The following SLC9D1 variants were observed in gnomAD, a reference collection of about 807,000 sequenced individuals.
The protein encoded by SLC9D1 is solute carrier family 9 member D1, also known as putative LAG1-interacting protein.
At chr13:113,492,658 G>A in the SLC9D1 span, among the ~76,000 whole-genome samples, 7 of 152,224 alleles carry the variant, frequency 4.6e-5, no homozygotes, top group Admixed American at 2.0e-4. Flanking sequence ...AGCACTTTGG[G>A]AGGCTGAGGT....
At chr13:113,505,306 A>G in the SLC9D1 span, 1 of 152,260 alleles carries the variant, frequency 6.6e-6, no homozygotes, top group South Asian at 2.1e-4. Context: ...AAGCCTTAAA[A>G]TGTACATATG....
the SLC9D1 span, among the ~76,000 whole-genome samples, chr13:113,507,359 G>A: frequency 6.6e-6 from 1 of 152,088 alleles, no homozygotes; most frequent in Non-Finnish European, 1.5e-5. Context: ...ATAAATATCT[G>A]GCCAAGCTTT....
chr13:113,496,836 T>C, the SLC9D1 span, among the ~76,000 whole-genome samples: 1 of 152,204 alleles, frequency 6.6e-6, no homozygotes, highest in African/African-American at 2.4e-5. Context: ...CTGTGTGATA[T>C]GTGCATGAGC....
chr13:113,492,938 C>T, the SLC9D1 span, among the ~76,000 whole-genome samples: 6 of 152,240 alleles, frequency 3.9e-5, no homozygotes, highest in South Asian at 1.2e-3. Flanking sequence ...TACAGGAATC[C>T]AAAGTGTCTT....
the SLC9D1 span, among the ~76,000 whole-genome samples, chr13:113,517,485 C>T: frequency 1.3e-5 from 2 of 152,112 alleles, no homozygotes; most frequent in African/African-American, 2.4e-5. Flanking sequence ...GCCTTGGCCT[C>T]CCAAAGTGCT....
chr13:113,496,108 A>C, the SLC9D1 span: 2 of 1,000,320 alleles, frequency 2.0e-6, no homozygotes, highest in Non-Finnish European at 2.9e-6. Context: ...CCACATCCTC[A>C]TCCTAGAGAC....
chr13:113,532,788 T>A, the SLC9D1 span, among the ~76,000 whole-genome samples: 3 of 137,764 alleles, frequency 2.2e-5, no homozygotes, highest in Admixed American at 2.2e-4. Context: ...TCCTTCTAAG[T>A]CGCAGACGTG....
At chr13:113,503,463 A>G in the SLC9D1 span, 1 of 1,535,390 alleles carries the variant, frequency 6.5e-7, no homozygotes, top group Non-Finnish European at 9.0e-7. Context: ...TTAAACATGT[A>G]CAATTATATG....
chr13:113,526,172 C>T, the SLC9D1 span, among the ~76,000 whole-genome samples: 4 of 152,072 alleles, frequency 2.6e-5, no homozygotes, highest in Middle Eastern at 3.4e-3. Context: ...TGACCCTGTG[C>T]GGGTTTAGGC....
the SLC9D1 span, among the ~76,000 whole-genome samples, chr13:113,497,116 C>T: frequency 6.6e-6 from 1 of 151,794 alleles, no homozygotes; most frequent in Non-Finnish European, 1.5e-5. Context: ...TGTGATAGAC[C>T]TGCAGCTGTG....
At chr13:113,496,874 G>A in the SLC9D1 span, among the ~76,000 whole-genome samples, 7 of 152,330 alleles carry the variant, frequency 4.6e-5, 1 homozygote, top group South Asian at 6.2e-4. Flanking sequence ...CAGTGGAGAC[G>A]TGAAGATACA....
chr13:113,534,661 C>G, the SLC9D1 span: 1 of 199,980 alleles, frequency 5.0e-6, no homozygotes, highest in Admixed American at 5.5e-5. Context: ...CGTGGTCGCG[C>G]TCATGTATAG....
the SLC9D1 span, among the ~76,000 whole-genome samples, chr13:113,540,014 T>C: frequency 6.6e-6 from 1 of 152,212 alleles, no homozygotes; most frequent in South Asian, 2.1e-4. Flanking sequence ...GAGAACGGCC[T>C]CCAGCTGCAT....
At chr13:113,527,118 T>C in the SLC9D1 span, 2 of 152,308 alleles carry the variant, frequency 1.3e-5, no homozygotes, top group East Asian at 3.9e-4. Flanking sequence ...AAGTGGCACA[T>C]GACTGTATAA....
the SLC9D1 span, chr13:113,548,484 G>T: frequency 1.3e-6 from 2 of 1,585,164 alleles, no homozygotes; most frequent in Non-Finnish European, 8.6e-7. Flanking sequence ...AGCGCTTCTC[G>T]GGCGGCACGG....
the SLC9D1 span, chr13:113,528,578 G>A: frequency 6.6e-6 from 1 of 152,256 alleles, no homozygotes; most frequent in Admixed American, 6.5e-5. Context: ...CTGTGAATTG[G>A]GGAGGACGTG....
At chr13:113,508,614 C>G in the SLC9D1 span, among the ~76,000 whole-genome samples, 2 of 152,132 alleles carry the variant, frequency 1.3e-5, no homozygotes, top group Non-Finnish European at 2.9e-5. Flanking sequence ...CTCCGCAGCC[C>G]AGAGCTGTTA....
chr13:113,498,200 C>T, the SLC9D1 span: 3 of 580,348 alleles, frequency 5.2e-6, no homozygotes, highest in Non-Finnish European at 5.6e-6. Context: ...ATAACTAGGA[C>T]ACGTGACTTC....
chr13:113,502,584 A>C, the SLC9D1 span, among the ~76,000 whole-genome samples: 16 of 152,204 alleles, frequency 1.1e-4, no homozygotes, highest in Non-Finnish European at 2.9e-5. Flanking sequence ...GGCAGTGGGC[A>C]GTGGGGCTGT....
Sources: allele counts gnomAD v4.1 joint callset (sites outside exome capture counted in the v4.1 genomes callset), GRCh38; gene constraint gnomAD v4.1.1; transcripts MANE v1.5; gene names NCBI Gene and HGNC (gene_info 2026-07-23, HGNC 2026-07-21).